PKD1L3: variants seen among roughly 807,000 people sequenced by gnomAD.
PKD1L3 encodes polycystin 1 like 3, transient receptor potential channel interacting, also known as polycystin-1-like protein 3.
Under a neutral mutation model 184.1 loss-of-function variants are expected in PKD1L3, and 239 were observed. That is an observed-to-expected ratio of 1.30 (90% confidence interval 1.17 to 1.45). PKD1L3 has a LOEUF of 1.45. Among genes scored for constraint, PKD1L3 ranks in the 40% most tolerant of loss-of-function variants. The pLI is 0.00. For missense variants in PKD1L3, 2,660 were observed against 2,067.2 expected (o/e 1.29, Z -5.56); for synonymous variants, 996 against 778.8 (o/e 1.28, Z -4.64).
chr16:71,942,516 T>G (rs752009809), intron 24 of PKD1L3, 44 bp downstream of exon 24: 1 of 1,478,618 alleles, frequency 6.8e-7, no homozygotes, highest in East Asian at 2.5e-5. Context: ...TTGAACAGCC[T>G]TCTTTGCTAC....
rs978828333 is a variant in PKD1L3, at chr16:71,933,480, T to C, written c.4866A>G (p.Thr1622=). The C allele has an allele frequency of 6.4e-7, 1 of 1,551,714 alleles. No individual in the cohort carries two copies. The highest frequency in any genetic ancestry group is 1.2e-5 in the South Asian group (1 of 84,062). ...CAACAGTCACTGCTGAGCTGAAAAATGTCCGGTAGTCAGAGATGCTGCATC... is the reference window on the plus strand; with the variant it reads ...CAACAGTCACTGCTGAGCTGAAAAACGTCCGGTAGTCAGAGATGCTGCATC... ...LFGCSISDYR[T]FFSSAVTVVG... is the part of the protein sequence containing the mutation. Residue 1622 remains threonine (T), a synonymous_variant, in exon 28 of 30, where the codon ACA becomes ACG. Transcript: ENST00000620267.
rs917948177 is a variant in PKD1L3 at position 71,929,656 on chromosome 16, G to A, written c.5081C>T (p.Thr1694Ile). Residue 1694 changes from threonine (T) to isoleucine (I), a missense_variant, in exon 30 of 30, where the codon ACA (threonine) becomes ATA (isoleucine). Transcript: ENST00000620267. The stretch of plus-strand genomic sequence containing the variant: ...CAAATTTGAGAGCTTCTGTAGCAGT[G>A]TATCTATTAGTGCAGCTTCTTTCTG... Reference protein sequence around the residue: ...SLKKEAALIDTLLQKLSNLLG... With the variant: ...SLKKEAALIDILLQKLSNLLG... 1 of 1,550,180 alleles carries A rather than the reference G, an allele frequency of 6.5e-7. No individual in the cohort carries two copies. Among genetic ancestry groups the A allele is most frequent in the Non-Finnish European group, 8.7e-7 (1 of 1,146,392 alleles).
At position 71,966,759 on chromosome 16, in the gene PKD1L3, T is replaced by C. The variant is rs182128073; in HGVS notation, c.2465+378A>G. On this transcript the variant is annotated intron_variant, in intron 15 of 29. Transcript: ENST00000620267. ...TAAGCTCTTAAATTTGACTCAAAGT[T>C]TGACTGTCAGTAGACAGTTGTTTAC... Among the ~76,000 whole-genome samples, 287 of 152,238 alleles carry C rather than the reference T, an allele frequency of 1.9e-3. 1 individual carries two copies. Among genetic ancestry groups the C allele is most frequent in the South Asian group, 3.1e-3 (15 of 4,812 alleles).
intron 21 of PKD1L3, among the ~76,000 whole-genome samples, chr16:71,948,280 G>T (rs888890643): frequency 6.6e-6 from 1 of 152,042 alleles, no homozygotes; most frequent in East Asian, 1.9e-4. Flanking sequence ...ACACGGTTTC[G>T]CCATGTTGGC....
rs181590702 is a variant in PKD1L3 at position 71,944,928 on chromosome 16, C to A, written c.3719-758G>T. 3.3e-5 allele frequency among the ~76,000 whole-genome samples: 5 copies of A among 151,072 alleles called. No individual in the cohort carries two copies. In the East Asian group the frequency reaches 9.7e-4, roughly 29 times the overall value. ...TGCCCAGGCTGATCTCGAACTCCTA[C>A]CTCAGGCGATCAACCCGAGACCCTG... On this transcript the variant is annotated intron_variant, in intron 22 of 29. Transcript: ENST00000620267.
At position 71,962,243 on chromosome 16, in the gene PKD1L3, T is replaced by A. The variant is rs535763456; in HGVS notation, c.2612+962A>T. ...CCGGCTAGGACATGGTGTGTGGGCC[T>A]CTTGCAATCATCTTGTTCCCATGAG... On this transcript the variant is annotated intron_variant, in intron 16 of 29. Coordinates refer to ENST00000620267, the MANE Select transcript of PKD1L3 (RefSeq NM_181536.2). Among the ~76,000 whole-genome samples the A allele has an allele frequency of 2.1e-3, 314 of 152,154 alleles. 17 individuals are homozygous for A. In the South Asian group the frequency reaches 0.064, roughly 31 times the overall value.
chr16:71,934,138 A>G lies in PKD1L3; in HGVS notation c.4614-13T>C. Reference sequence around the variant, plus strand: ...GAAGCTGATGAATCTGCACCAAGGAAAGCTGACAGTTACTCAGCAAGAAGT... The same window carrying G: ...GAAGCTGATGAATCTGCACCAAGGAGAGCTGACAGTTACTCAGCAAGAAGT... On this transcript the variant is annotated splice_polypyrimidine_tract_variant and intron_variant, in intron 26 of 29. Coordinates refer to ENST00000620267, the MANE Select transcript of PKD1L3 (RefSeq NM_181536.2). 2 of 1,551,328 alleles carry G rather than the reference A, an allele frequency of 1.3e-6. No homozygotes were observed. Among genetic ancestry groups the G allele is most frequent in the Non-Finnish European group, 1.7e-6 (2 of 1,146,774 alleles).
intron 3 of PKD1L3, among the ~76,000 whole-genome samples, chr16:71,990,689 G>T (rs1447242603): frequency 6.6e-6 from 1 of 152,036 alleles, no homozygotes; most frequent in African/African-American, 2.4e-5. Context: ...AGCCGAGATT[G>T]TGCCACTGCA....
chr16:71,955,485 A>G (rs1423746120), intron 16 of PKD1L3, among the ~76,000 whole-genome samples: 1 of 152,022 alleles, frequency 6.6e-6, no homozygotes, highest in Admixed American at 6.6e-5. Flanking sequence ...ATAACAGAAT[A>G]TCATTTAGTT....
chr16:71,938,150 T>C (rs1394324330), intron 24 of PKD1L3, among the ~76,000 whole-genome samples: 1 of 152,172 alleles, frequency 6.6e-6, no homozygotes, highest in Non-Finnish European at 1.5e-5. Flanking sequence ...GAAACCCCCC[T>C]GCCCCTGCAG....
intron 11 of PKD1L3, among the ~76,000 whole-genome samples, chr16:71,974,326 A>C (rs34972708): frequency 6.6e-6 from 1 of 152,008 alleles, no homozygotes; most frequent in Non-Finnish European, 1.5e-5. Context: ...TCTCAAAAAA[A>C]GGTTCCTGAA....
intron 27 of PKD1L3, 30 bp from the exon 28 acceptor site, chr16:71,933,551 C>G (rs1440250000): frequency 1.4e-6 from 2 of 1,449,222 alleles, no homozygotes; most frequent in Non-Finnish European, 1.9e-6. Context: ...CCAGTTAGTG[C>G]AAGCCGAGCG....
chr16:71,986,148 G>A, intron 5 of PKD1L3, 73 bp downstream of exon 5: 1 of 1,501,450 alleles, frequency 6.7e-7, no homozygotes, highest in Non-Finnish European at 9.0e-7. Context: ...AGTTCTGCAG[G>A]GAGGCAAATG....
Position 71,978,620 on chromosome 16 carries a change from A to G in PKD1L3, c.1399-237T>C, listed in dbSNP as rs530544784. ...AGTGGCACAACCTCAGCTCACTGCA[A>G]TCTCCACCTCCCAGGTTCAAGCGAT... On this transcript the variant is annotated intron_variant, in intron 9 of 29. Coordinates refer to ENST00000620267, the MANE Select transcript of PKD1L3 (RefSeq NM_181536.2). 4.4e-4 allele frequency among the ~76,000 whole-genome samples: 66 copies of G among 150,848 alleles called. 1 individual carries two copies. The highest frequency in any genetic ancestry group is 1.4e-3 in the African/African-American group (57 of 41,040).
rs965576083 is a variant in PKD1L3, at chr16:71,934,005, C to A, written c.4734G>T (p.Arg1578=). ...WNLLRHSPRL[R]VISRTLSRAW... ...CTCGGCTCAGTGTCCTGCTGATGAC[C>A]CGCAGCCTGGGGCTATGACGCAGCA... The change falls in exon 27 of 30, where the codon CGG becomes CGT. Residue 1578 remains arginine (R), a synonymous_variant. Coordinates refer to ENST00000620267, the MANE Select transcript of PKD1L3 (RefSeq NM_181536.2). 9 of 1,551,556 alleles carry A rather than the reference C, an allele frequency of 5.8e-6. No individual in the cohort carries two copies. In the Admixed American group the frequency reaches 1.4e-4, roughly 24 times the overall value.
chr16:71,958,025 A>G (rs1015081436), intron 16 of PKD1L3, among the ~76,000 whole-genome samples: 3 of 152,312 alleles, frequency 2.0e-5, no homozygotes, highest in South Asian at 4.1e-4. Context: ...AAAATCTTCA[A>G]AGTGTTAAGG....
intron 24 of PKD1L3, among the ~76,000 whole-genome samples, chr16:71,941,695 C>T (rs2038367241): frequency 6.7e-6 from 1 of 148,868 alleles, no homozygotes; most frequent in Non-Finnish European, 1.5e-5. Context: ...AGCGATTCTT[C>T]TGCTTCAGCC....
intron 15 of PKD1L3, among the ~76,000 whole-genome samples, chr16:71,966,329 G>A (rs1008929536): frequency 1.3e-5 from 2 of 151,818 alleles, no homozygotes; most frequent in Admixed American, 6.6e-5. Flanking sequence ...AACCTAACAC[G>A]TTAGGTTCAA....
chr16:71,975,545 TGTG>T lies in PKD1L3; in HGVS notation c.1759+1688_1759+1690del. Reference sequence around the variant, plus strand: ...TATATAGTCATCTACAATATATAAATGTGAAGTATATTTAACTCATGGTGCTGT... The same window carrying T: ...TATATAGTCATCTACAATATATAAATAAGTATATTTAACTCATGGTGCTGT... On this transcript the variant is annotated intron_variant, in intron 11 of 29. Transcript: ENST00000620267. Among the ~76,000 whole-genome samples, 3 of 152,262 alleles carry T rather than the reference TGTG, an allele frequency of 2.0e-5. No homozygotes were observed. In the South Asian group the frequency reaches 6.2e-4, roughly 32 times the overall value.
Sources: allele counts gnomAD v4.1 joint callset (sites outside exome capture counted in the v4.1 genomes callset), GRCh38; gene constraint gnomAD v4.1.1; transcripts MANE v1.5; gene names NCBI Gene and HGNC (gene_info 2026-07-23, HGNC 2026-07-21).